The following MYOM1 variants were observed in gnomAD, a reference collection of about 807,000 sequenced individuals.
MYOM1 encodes myomesin-1.
In MYOM1, 164 loss-of-function variants were observed where a neutral mutation model predicts 205.3. The observed-to-expected ratio is 0.80, with a 90% CI of 0.70 to 0.91. The LOEUF is 0.91. Ranked by LOEUF, MYOM1 falls within the 40% of genes least tolerant of loss-of-function variation. The pLI is 0.00. For missense variants in MYOM1, 2,011 were observed against 2,127.3 expected (o/e 0.95, Z 1.08); for synonymous variants, 772 against 789.4 (o/e 0.98, Z 0.37).
intron 19 of MYOM1, among the ~76,000 whole-genome samples, chr18:3,124,115 G>A (rs917806287): frequency 1.3e-5 from 2 of 151,222 alleles, no homozygotes; most frequent in African/African-American, 4.9e-5. Flanking sequence ...GAGACTACAG[G>A]TGCGAGCCAC....
At chr18:3,073,080 T>C (rs1285774615) in intron 36 of MYOM1, among the ~76,000 whole-genome samples, 1 of 151,624 alleles carries the variant, frequency 6.6e-6, no homozygotes, top group Non-Finnish European at 1.5e-5. Flanking sequence ...CCCAAAGTGT[T>C]AGGATTACAG....
chr18:3,195,025 A>G (rs1489315253), intron 2 of MYOM1, among the ~76,000 whole-genome samples: 2 of 152,236 alleles, frequency 1.3e-5, no homozygotes, highest in African/African-American at 4.8e-5. Context: ...TGAAATAGAA[A>G]AACCTTCCAA....
chr18:3,132,690 G>T lies in MYOM1; in HGVS notation c.2385-1194C>A, dbSNP rs190506667. Among the ~76,000 whole-genome samples the T allele has an allele frequency of 5.0e-3, 768 of 152,188 alleles. 3 individuals carry two copies. The highest frequency in any genetic ancestry group is 7.0e-3 in the Non-Finnish European group (474 of 68,020). ...ACTGTCTCGCTGCATGCCAAGGAAG[G>T]TACTTACTTGGGAAATTACTATAGA... On this transcript the variant is annotated intron_variant, in intron 16 of 37. Coordinates refer to ENST00000356443, the MANE Select transcript of MYOM1 (RefSeq NM_003803.4).
chr18:3,072,350 C>CATTTTTTTTTTTTTT (rs2078968615), intron 36 of MYOM1, among the ~76,000 whole-genome samples: 1 of 56,226 alleles, frequency 1.8e-5, no homozygotes, highest in African/African-American at 9.3e-5. Flanking sequence ...CCGCACCCGG[C>CATTTTTTTTTTTTTT]TTTTTTTTTT....
chr18:3,067,770 C>T (rs2078914795), intron 37 of MYOM1, among the ~76,000 whole-genome samples: 1 of 152,214 alleles, frequency 6.6e-6, no homozygotes. Flanking sequence ...TAATGCTCCT[C>T]AAGGCCTTTA....
Position 3,119,988 on chromosome 18 carries a change from T to C in MYOM1, c.2999A>G (p.Asn1000Ser), listed in dbSNP as rs1483195143. 9 of 1,597,700 alleles carry C rather than the reference T, an allele frequency of 5.6e-6. No homozygotes were observed. Among genetic ancestry groups the C allele is most frequent in the Non-Finnish European group, 7.7e-6 (9 of 1,171,482 alleles). ...AVSEEAYKIS[N>S]LKENMVYQFQ... ...CTGATACACCATGTTTTCCTTCAAGTTGCTAATCTGCAACATTGACAACAT... is the reference window on the plus strand; with the variant it reads ...CTGATACACCATGTTTTCCTTCAAGCTGCTAATCTGCAACATTGACAACAT... Residue 1000 changes from asparagine to serine, a missense_variant, in exon 20 of 38, where the codon AAC (asparagine) becomes AGC (serine). Coordinates refer to ENST00000356443, the MANE Select transcript of MYOM1 (RefSeq NM_003803.4).
At chr18:3,204,991 G>T (rs1222493486) in intron 2 of MYOM1, among the ~76,000 whole-genome samples, 1 of 151,986 alleles carries the variant, frequency 6.6e-6, no homozygotes, top group African/African-American at 2.4e-5. Context: ...AAATGGTGCT[G>T]GGGCAATCAG....
chr18:3,071,086 G>T (rs942931951), intron 37 of MYOM1, among the ~76,000 whole-genome samples: 5 of 152,104 alleles, frequency 3.3e-5, no homozygotes, highest in African/African-American at 1.2e-4. Flanking sequence ...AGGAGCCCCT[G>T]GAGTTCTGTC....
chr18:3,069,066 C>T (rs2078931248), intron 37 of MYOM1, among the ~76,000 whole-genome samples: 1 of 152,172 alleles, frequency 6.6e-6, no homozygotes, highest in Non-Finnish European at 1.5e-5. Context: ...TGGGCCACCA[C>T]ACCCAGCCCA....
rs2080687300 is a variant in MYOM1, at chr18:3,178,827, T to C, written c.930-2693A>G. Among the ~76,000 whole-genome samples, 5 of 152,170 alleles carry C rather than the reference T, an allele frequency of 3.3e-5. No homozygotes were observed. The South Asian group carries it at 1.0e-3, about 31-fold the overall frequency. On this transcript the variant is annotated intron_variant, in intron 5 of 37. Coordinates refer to ENST00000356443, the MANE Select transcript of MYOM1 (RefSeq NM_003803.4). ...ATGGTTGGATATGTGTCTCTTCTAT[T>C]ATGTTGCCAAACCTTTGAGGTTGGG...
chr18:3,157,232 C>T (rs2144019440), intron 10 of MYOM1, among the ~76,000 whole-genome samples: 1 of 152,304 alleles, frequency 6.6e-6, no homozygotes, highest in East Asian at 1.9e-4. Context: ...AGCGGGCATT[C>T]AGGGAGCCAT....
At chr18:3,071,079 A>G (rs745732256) in intron 37 of MYOM1, among the ~76,000 whole-genome samples, 10 of 152,046 alleles carry the variant, frequency 6.6e-5, no homozygotes, top group Non-Finnish European at 1.3e-4. Context: ...TGCTCTCAGG[A>G]GCCCCTGGAG....
At chr18:3,224,394 T>C (rs2081343786), upstream of MYOM1, among the ~76,000 whole-genome samples, 1 of 152,188 alleles carries the variant, frequency 6.6e-6, no homozygotes, top group Admixed American at 6.5e-5. Flanking sequence ...TGTTGACATC[T>C]TGCATCAGAA....
rs2081247612 is a variant in MYOM1 at position 3,215,103 on chromosome 18, G to GGGT, written c.118_120dup (p.Thr40dup). On this transcript the variant is annotated inframe_insertion, in exon 2 of 38. Coordinates refer to ENST00000356443, the MANE Select transcript of MYOM1 (RefSeq NM_003803.4). The stretch of plus-strand genomic sequence containing the variant: ...CGGCTGCTGTAGGCCGTGGAGCCCT[G>GGGT]GGTGTAGACGGCGGAGCGTTTCTTC... The GGGT allele has an allele frequency of 6.2e-7, 1 of 1,613,816 alleles. No individual in the cohort carries two copies. The highest frequency in any genetic ancestry group is 2.2e-5 in the East Asian group (1 of 44,858).
Position 3,135,586 on chromosome 18 carries a change from AG to A in MYOM1, c.2169del (p.Ser724GlnfsTer6). 6.2e-7 allele frequency: 1 copy of A among 1,613,772 alleles called. No individual in the cohort carries two copies. The highest frequency in any genetic ancestry group is 1.3e-5 in the African/African-American group (1 of 74,970). ...ACCACAGTCACCTCCGTTGCCTCTG[AG>A]GGCTCACCAACTCCTGCAGAATTAG... is the stretch of plus-strand genomic sequence containing the variant. ...RCSNSAGVGE[P>X]SEATEVTVVG... On this transcript the variant is annotated frameshift_variant, in exon 15 of 38. Coordinates refer to ENST00000356443, the MANE Select transcript of MYOM1 (RefSeq NM_003803.4). LOFTEE classifies it high-confidence loss of function. This position sits in a 1 kb window ranked among gnomAD's most constrained non-coding sequence, Gnocchi z 4.1.
chr18:3,242,980 A>G, the MYOM1 span, among the ~76,000 whole-genome samples: 1 of 151,772 alleles, frequency 6.6e-6, no homozygotes, highest in East Asian at 1.9e-4. Context: ...ATTTTTTCAA[A>G]TTTTCTAGTA....
At chr18:3,223,886 T>TAGCGGAGAGGGAGGGAAGCAGAGCC (rs2081341652), upstream of MYOM1, among the ~76,000 whole-genome samples, 3 of 152,034 alleles carry the variant, frequency 2.0e-5, no homozygotes, top group Non-Finnish European at 4.4e-5. Context: ...GTATAATGAG[T>TAGCGGAGAGGGAGGGAAGCAGAGCC]AGCGGAGAGG....
chr18:3,174,753 T>C (rs34647598), intron 6 of MYOM1, among the ~76,000 whole-genome samples: 13,758 of 150,776 alleles, frequency 0.091, 799 homozygotes, highest in African/African-American at 0.17. Context: ...CTGAGCCACG[T>C]TGGTCTATGT....
chr18:3,144,297 A>G (rs182871837), intron 13 of MYOM1, among the ~76,000 whole-genome samples: 175 of 152,336 alleles, frequency 1.1e-3, no homozygotes, highest in South Asian at 2.1e-3. Flanking sequence ...GAAAAGATGT[A>G]TATTATAAAT....
Sources: allele counts gnomAD v4.1 joint callset (sites outside exome capture counted in the v4.1 genomes callset), GRCh38; gene constraint gnomAD v4.1.1; non-coding constraint Gnocchi (gnomAD v3.1); transcripts MANE v1.5; gene names NCBI Gene and HGNC (gene_info 2026-07-23, HGNC 2026-07-21).